The following IGDCC3 variants were observed in gnomAD, a reference collection of about 807,000 sequenced individuals.
The protein encoded by IGDCC3 is putative neuronal cell adhesion molecule.
A neutral mutation model predicts 72.0 loss-of-function variants in IGDCC3; 47 were observed. That is an observed-to-expected ratio of 0.65 (90% CI 0.52 to 0.83). The LOEUF is 0.83. Ranked by LOEUF, IGDCC3 falls within the 40% of genes least tolerant of loss-of-function variation. IGDCC3 has a pLI of 0.00. For synonymous variants in IGDCC3, 477 were observed against 472.8 expected (o/e 1.01, Z -0.11); for missense variants, 1,038 against 1,091.3 (o/e 0.95, Z 0.69).
chr15:65,341,291 G>A (rs942672108), intron 2 of IGDCC3, among the ~76,000 whole-genome samples: 35 of 152,166 alleles, frequency 2.3e-4, no homozygotes, highest in African/African-American at 8.0e-4. Flanking sequence ...GATGTAAAAC[G>A]GTGCCGCTGC....
chr15:65,367,396 A>G (rs952425001), intron 2 of IGDCC3, among the ~76,000 whole-genome samples: 3 of 149,216 alleles, frequency 2.0e-5, no homozygotes, highest in African/African-American at 4.9e-5. Context: ...GAGAGGGGGG[A>G]GGGATAGCTT....
At chr15:65,335,267 G>T in intron 4 of IGDCC3, 24 bp downstream of exon 4, 1 of 1,591,748 alleles carries the variant, frequency 6.3e-7, no homozygotes, top group Non-Finnish European at 8.6e-7. Context: ...GGGAGGTTGG[G>T]GGAAAGTGCT....
chr15:65,329,327 AG>A lies in IGDCC3; in HGVS notation c.2205+62del. The A allele has an allele frequency of 6.6e-7, 1 of 1,504,144 alleles. No individual in the cohort carries two copies. The highest frequency in any genetic ancestry group is 1.2e-5 in the South Asian group (1 of 81,270). 93.2% of individuals were successfully genotyped at this position (1,504,144 alleles called of 1,614,324 possible). On this transcript the variant is annotated intron_variant, in intron 13 of 13. Coordinates refer to ENST00000327987, the MANE Select transcript of IGDCC3 (RefSeq NM_004884.4). The surrounding 1 kb of genome is among the most constrained non-coding windows in gnomAD (Gnocchi z 4.1). ...GCCCGTGGCCAAGGTGAAGGGGGGC[AG>A]GATTGGAAGGTGGCAGTGTCAGAGC...
chr15:65,331,761 G>A lies in IGDCC3; in HGVS notation c.1149-102C>T, dbSNP rs920699089. On this transcript the variant is annotated intron_variant, in intron 7 of 13. Transcript: ENST00000327987. ...AACTGAGTCTTTCCAGGAGACAAAC[G>A]ACTTGTGTGAGGTCTCCCAGCAAGT... is the stretch of plus-strand genomic sequence containing the variant. 33 of 1,441,084 alleles carry A rather than the reference G, an allele frequency of 2.3e-5. No homozygotes were observed. The Middle Eastern group carries it at 1.1e-3, about 47-fold the overall frequency. 89.3% of individuals were successfully genotyped at this position (1,441,084 alleles called of 1,614,324 possible). A position where few individuals can be genotyped will look rare whatever the true frequency, so the allele number is the denominator to read the frequency against.
rs746874314 is a variant in IGDCC3 at position 65,335,330 on chromosome 15, T to C, written c.646A>G (p.Ser216Gly). 4.3e-6 allele frequency: 7 copies of C among 1,613,704 alleles called. No individual in the cohort carries two copies. Among genetic ancestry groups the C allele is most frequent in the Non-Finnish European group, 8.5e-7 (1 of 1,179,806 alleles). ...CTGGCCCCGTGGCTGATCCGGATAC[T>C]GGCGATGTTTGAGGCCACACAGTGG... ...IFHCVASNIA[S>G]IRISHGARLT... Residue 216 changes from serine to glycine, a missense_variant, in exon 4 of 14, where the codon AGT becomes GGT. By Grantham distance (56) the Ser-to-Gly change is moderately conservative. Coordinates refer to ENST00000327987, the MANE Select transcript of IGDCC3 (RefSeq NM_004884.4).
At position 65,327,273 on chromosome 15, in the gene IGDCC3, G is replaced by C. The variant is rs1219244324; in HGVS notation, c.*1636C>G. ...AGGCTCCCGAGAGAAGCTGCTTTGGGAACAGAGGGGGCACTGCCTTGGAGC... is the reference window on the plus strand; with the variant it reads ...AGGCTCCCGAGAGAAGCTGCTTTGGCAACAGAGGGGGCACTGCCTTGGAGC... On this transcript the variant is annotated 3_prime_UTR_variant, in exon 14 of 14. Coordinates refer to ENST00000327987, the MANE Select transcript of IGDCC3 (RefSeq NM_004884.4). 1 of 152,628 alleles carries C rather than the reference G, an allele frequency of 6.6e-6. No homozygotes were observed. The highest frequency in any genetic ancestry group is 2.4e-5 in the African/African-American group (1 of 41,452). The allele number at this position is 152,628 out of a possible 1,614,324, so 9.5% of individuals were successfully genotyped here.
At chr15:65,355,469 G>C (rs1218576319) in intron 2 of IGDCC3, among the ~76,000 whole-genome samples, 1 of 151,386 alleles carries the variant, frequency 6.6e-6, no homozygotes, top group African/African-American at 2.4e-5. Context: ...AGCGGCCCCA[G>C]GCTCCCCGGC....
chr15:65,345,698 A>C (rs1190192431), intron 2 of IGDCC3, among the ~76,000 whole-genome samples: 1 of 152,212 alleles, frequency 6.6e-6, no homozygotes, highest in East Asian at 1.9e-4. Flanking sequence ...ATCTTAGGTC[A>C]CTGTCACAGT....
chr15:65,361,584 A>G (rs1422036268), intron 2 of IGDCC3, among the ~76,000 whole-genome samples: 1 of 151,564 alleles, frequency 6.6e-6, no homozygotes, highest in African/African-American at 2.4e-5. Flanking sequence ...CGAGTTCCCC[A>G]GTTTCCAGAT....
At chr15:65,374,658 A>C (rs2091347005) in intron 2 of IGDCC3, among the ~76,000 whole-genome samples, 1 of 152,224 alleles carries the variant, frequency 6.6e-6, no homozygotes, top group Non-Finnish European at 1.5e-5. Context: ...AAAGGTTTAC[A>C]TTAGTTTAAG....
intron 2 of IGDCC3, among the ~76,000 whole-genome samples, chr15:65,356,938 C>T (rs1469572386): frequency 2.0e-5 from 3 of 147,848 alleles, no homozygotes; most frequent in Admixed American, 6.8e-5. Context: ...CAACTTCTGC[C>T]TCCTGGATTC....
chr15:65,373,022 C>T lies in IGDCC3; in HGVS notation c.409+2075G>A, dbSNP rs1253663255. Among the ~76,000 whole-genome samples the T allele has an allele frequency of 2.0e-5, 3 of 152,208 alleles. No individual in the cohort carries two copies. In the East Asian group the frequency reaches 5.8e-4, roughly 29 times the overall value. On this transcript the variant is annotated intron_variant, in intron 2 of 13. Coordinates refer to ENST00000327987, the MANE Select transcript of IGDCC3 (RefSeq NM_004884.4). Reference sequence around the variant, plus strand: ...GGATTAACCAAGCTGACCCCACCCACAGCTTAATTTCTTGTACTATATTGT... The same window carrying T: ...GGATTAACCAAGCTGACCCCACCCATAGCTTAATTTCTTGTACTATATTGT...
intron 4 of IGDCC3, 140 bp from the exon 5 acceptor site, chr15:65,335,005 G>T: frequency 9.5e-7 from 1 of 1,054,874 alleles, no homozygotes; most frequent in Non-Finnish European, 1.3e-6. Flanking sequence ...GATACCAGGA[G>T]ACCAGGACGT....
chr15:65,332,068 T>A lies in IGDCC3; in HGVS notation c.1021A>T (p.Arg341Trp). Residue 341 changes from arginine to tryptophan, a missense_variant, in exon 7 of 14, where the codon AGG becomes TGG. Transcript: ENST00000327987. ...AACATGGCTGTGGTCCCAGCTGGCCTGGAGATGGACTGGGGATGCTGCACA... is the reference window on the plus strand; with the variant it reads ...AACATGGCTGTGGTCCCAGCTGGCCAGGAGATGGACTGGGGATGCTGCACA... ...EFVQHPQSIS[R>W]PAGTTAMFTC... 1 of 1,614,042 alleles carries A rather than the reference T, an allele frequency of 6.2e-7. No individual in the cohort carries two copies. Among genetic ancestry groups the A allele is most frequent in the South Asian group, 1.1e-5 (1 of 91,062 alleles).
At chr15:65,358,836 T>C (rs918344058) in intron 2 of IGDCC3, among the ~76,000 whole-genome samples, 1 of 152,154 alleles carries the variant, frequency 6.6e-6, no homozygotes, top group Non-Finnish European at 1.5e-5. Context: ...ATTAGTTTAT[T>C]TTTCTTTTAG....
At chr15:65,349,530 G>A (rs990901067) in intron 2 of IGDCC3, among the ~76,000 whole-genome samples, 16 of 152,182 alleles carry the variant, frequency 1.1e-4, no homozygotes, top group Non-Finnish European at 1.9e-4. Context: ...CTATGAATTC[G>A]TTTTTCTGTG....
At chr15:65,353,345 G>A in intron 2 of IGDCC3, among the ~76,000 whole-genome samples, 1 of 151,638 alleles carries the variant, frequency 6.6e-6, no homozygotes, top group Admixed American at 6.6e-5. Context: ...CTGCCTCCCG[G>A]GTTCAAGCAA....
intron 5 of IGDCC3, 120 bp downstream of exon 5, chr15:65,334,607 AC>A (rs2091009286): frequency 1.1e-6 from 1 of 921,568 alleles, no homozygotes. Context: ...GATAGAATGG[AC>A]CCCCACAGAG....
At chr15:65,341,127 G>A (rs1410837668) in intron 2 of IGDCC3, among the ~76,000 whole-genome samples, 2 of 152,168 alleles carry the variant, frequency 1.3e-5, no homozygotes, top group Non-Finnish European at 2.9e-5. Flanking sequence ...GGATTGTGAA[G>A]ACCTAGTATT....
Sources: allele counts gnomAD v4.1 joint callset (sites outside exome capture counted in the v4.1 genomes callset), GRCh38; gene constraint gnomAD v4.1.1; non-coding constraint Gnocchi (gnomAD v3.1); transcripts MANE v1.5; gene names NCBI Gene and HGNC (gene_info 2026-07-23, HGNC 2026-07-21).